IMMP2L: variants seen among roughly 807,000 people sequenced by gnomAD.
IMMP2L encodes the protein mitochondrial inner membrane protease subunit 2.
A neutral mutation model predicts 19.3 loss-of-function variants in IMMP2L; 18 were observed. That is an observed-to-expected ratio of 0.93 (90% CI 0.64 to 1.38). The LOEUF is 1.38. Among genes scored for constraint, IMMP2L ranks in the 40% most tolerant of loss-of-function variants. The pLI, the probability that IMMP2L is intolerant of heterozygous loss-of-function variation, is 0.00. For missense variants in IMMP2L, 233 were observed against 218.2 expected, an observed-to-expected ratio of 1.07 and a Z score of -0.43; for synonymous variants, 76 against 73.0, an observed-to-expected ratio of 1.04 and a Z score of -0.21.
At chr7:110,882,449 C>T (rs1809784175) in intron 5 of IMMP2L, among the ~76,000 whole-genome samples, 1 of 151,836 alleles carries the variant, frequency 6.6e-6, no homozygotes, top group Admixed American at 6.6e-5. Context: ...GGTGCAATCT[C>T]AGCTCACTGC....
At chr7:110,718,240 A>G (rs946698891) in intron 5 of IMMP2L, among the ~76,000 whole-genome samples, 7 of 152,214 alleles carry the variant, frequency 4.6e-5, no homozygotes, top group African/African-American at 1.4e-4. Flanking sequence ...TTTCTGGTGT[A>G]AAAGTAGAAA....
At chr7:111,499,693 T>C (rs534733636) in intron 2 of IMMP2L, among the ~76,000 whole-genome samples, 2 of 152,288 alleles carry the variant, frequency 1.3e-5, no homozygotes, top group South Asian at 4.1e-4. Context: ...AGGCCTCCCA[T>C]CTCATGGAGA....
intron 4 of IMMP2L, among the ~76,000 whole-genome samples, chr7:110,893,984 C>A (rs566479513): frequency 6.6e-6 from 1 of 152,122 alleles, no homozygotes; most frequent in Non-Finnish European, 1.5e-5. Flanking sequence ...GTCCCAGAGA[C>A]CCTACCTTGA....
intron 3 of IMMP2L, among the ~76,000 whole-genome samples, chr7:111,002,895 G>A (rs1184314942): frequency 1.3e-5 from 2 of 152,162 alleles, no homozygotes; most frequent in Non-Finnish European, 2.9e-5. Flanking sequence ...CAGTGTCCAT[G>A]AGACTGAAAA....
intron 3 of IMMP2L, among the ~76,000 whole-genome samples, chr7:111,270,823 T>C (rs1228597608): frequency 2.0e-5 from 3 of 152,216 alleles, no homozygotes; most frequent in South Asian, 2.1e-4. Context: ...TCTAGGAATA[T>C]ATAACAATTG....
chr7:111,513,808 T>TAC (rs1173326329), intron 2 of IMMP2L, among the ~76,000 whole-genome samples: 2 of 152,018 alleles, frequency 1.3e-5, no homozygotes, highest in African/African-American at 4.8e-5. Context: ...GGTGTATATA[T>TAC]ACACACACAC....
At chr7:110,836,386 G>C (rs956948984) in intron 5 of IMMP2L, among the ~76,000 whole-genome samples, 3 of 152,128 alleles carry the variant, frequency 2.0e-5, no homozygotes, top group Non-Finnish European at 2.9e-5. Context: ...TACCCAGTAG[G>C]AGGTAATTGA....
At chr7:110,938,170 T>C (rs1157562711) in intron 4 of IMMP2L, among the ~76,000 whole-genome samples, 1 of 152,156 alleles carries the variant, frequency 6.6e-6, no homozygotes, top group Non-Finnish European at 1.5e-5. Context: ...TAATAGGATC[T>C]ACCATCCTTA....
At chr7:111,361,388 G>A (rs1760833398) in intron 3 of IMMP2L, among the ~76,000 whole-genome samples, 1 of 152,056 alleles carries the variant, frequency 6.6e-6, no homozygotes, top group Non-Finnish European at 1.5e-5. Flanking sequence ...ATTATAGAGA[G>A]TAATTTATAT....
chr7:111,079,448 C>T (rs1795704206), intron 3 of IMMP2L, among the ~76,000 whole-genome samples: 1 of 152,176 alleles, frequency 6.6e-6, no homozygotes, highest in Non-Finnish European at 1.5e-5. Flanking sequence ...AAATCTAATA[C>T]TATACAAATT....
chr7:110,681,357 T>G (rs901873623), intron 5 of IMMP2L, among the ~76,000 whole-genome samples: 4 of 152,130 alleles, frequency 2.6e-5, no homozygotes, highest in African/African-American at 7.2e-5. Flanking sequence ...TTTCTACACC[T>G]GCTTTTACCC....
chr7:111,512,648 C>G (rs1479454083), intron 2 of IMMP2L, among the ~76,000 whole-genome samples: 1 of 151,954 alleles, frequency 6.6e-6, no homozygotes, highest in African/African-American at 2.4e-5. Flanking sequence ...CCCTGAATAG[C>G]CAAACAATCT....
At chr7:111,268,845 C>G (rs1466944656) in intron 3 of IMMP2L, among the ~76,000 whole-genome samples, 1 of 152,000 alleles carries the variant, frequency 6.6e-6, no homozygotes, top group African/African-American at 2.4e-5. Flanking sequence ...AGCAATCCTC[C>G]TATCTCAGCC....
intron 3 of IMMP2L, among the ~76,000 whole-genome samples, chr7:111,197,913 G>A (rs755730840): frequency 6.6e-6 from 1 of 152,154 alleles, no homozygotes; most frequent in Non-Finnish European, 1.5e-5. Flanking sequence ...GGGATTTAAA[G>A]CAAAGATATA....
chr7:111,434,414 T>G (rs1836929938), intron 3 of IMMP2L, among the ~76,000 whole-genome samples: 2 of 145,570 alleles, frequency 1.4e-5, no homozygotes, highest in South Asian at 4.3e-4. Flanking sequence ...AGAATCACAA[T>G]CAGCAGAGTA....
chr7:111,512,141 T>C (rs1845507582), intron 2 of IMMP2L, among the ~76,000 whole-genome samples: 1 of 152,164 alleles, frequency 6.6e-6, no homozygotes, highest in African/African-American at 2.4e-5. Flanking sequence ...ATTTATCATC[T>C]GGTGAGTGGA....
At chr7:111,336,002 A>C (rs1826363340) in intron 3 of IMMP2L, among the ~76,000 whole-genome samples, 1 of 152,054 alleles carries the variant, frequency 6.6e-6, no homozygotes, top group African/African-American at 2.4e-5. Flanking sequence ...CTTGATGTTT[A>C]AATTGTTTTG....
chr7:110,814,604 TTTC>T (rs1426516439), intron 5 of IMMP2L, among the ~76,000 whole-genome samples: 5 of 150,486 alleles, frequency 3.3e-5, no homozygotes. Flanking sequence ...TTTTTCTTTT[TTTC>T]TTCTATTTCT....
chr7:111,335,420 A>G (rs7801732), intron 3 of IMMP2L, among the ~76,000 whole-genome samples: 3,021 of 152,224 alleles, frequency 0.02, 108 homozygotes, highest in African/African-American at 0.069. Flanking sequence ...CAGGGAGGAA[A>G]TATCTACAGC....
Sources: gnomAD v4.1 joint callset for allele counts (sites outside exome capture counted in the v4.1 genomes callset) on GRCh38, gnomAD v4.1.1 for gene constraint, MANE v1.5 for transcripts, NCBI Gene and HGNC (gene_info 2026-07-23, HGNC 2026-07-21) for gene names.